PIK3C2G: variants seen among roughly 807,000 people sequenced by gnomAD.
The protein encoded by PIK3C2G is phosphatidylinositol-4-phosphate 3-kinase catalytic subunit type 2 gamma, also known as phosphatidylinositol 3-kinase C2 domain-containing subunit gamma.
A neutral mutation model predicts 181.1 loss-of-function variants in PIK3C2G; 168 were observed. That is an observed-to-expected ratio of 0.93 (90% confidence interval 0.82 to 1.05). The LOEUF (loss-of-function observed/expected upper bound fraction) is 1.05, where lower values mean the gene tolerates loss of function less well. Among genes scored for constraint, PIK3C2G ranks in the 50% least tolerant of loss-of-function variants. PIK3C2G has a pLI of 0.00. For synonymous variants in PIK3C2G, 573 were observed against 592.2 expected (o/e 0.97, Z 0.47); for missense variants, 1,869 against 1,732.8 (o/e 1.08, Z -1.40).
intron 18 of PIK3C2G, among the ~76,000 whole-genome samples, chr12:18,433,381 C>T (rs1463533611): frequency 6.6e-6 from 1 of 151,938 alleles, no homozygotes; most frequent in Non-Finnish European, 1.5e-5. Flanking sequence ...GGCGTGGTGG[C>T]AGGTGCCTGT....
intron 18 of PIK3C2G, among the ~76,000 whole-genome samples, chr12:18,485,422 C>G (rs1368797502): frequency 1.3e-5 from 2 of 152,068 alleles, no homozygotes; most frequent in Non-Finnish European, 2.9e-5. Flanking sequence ...AACTTAAATA[C>G]CTCCATGACA....
At chr12:18,684,096 G>T in the PIK3C2G span, 15 of 1,604,506 alleles carry the variant, frequency 9.3e-6, no homozygotes, top group Non-Finnish European at 1.0e-5. Flanking sequence ...ATATTTAAAT[G>T]CTGGTACAAT....
At chr12:18,568,305 GC>G (rs1292109765) in intron 29 of PIK3C2G, among the ~76,000 whole-genome samples, 2 of 152,016 alleles carry the variant, frequency 1.3e-5, no homozygotes, top group African/African-American at 2.4e-5. Context: ...TGGACGCCAA[GC>G]CCAAGTTGTT....
intron 13 of PIK3C2G, among the ~76,000 whole-genome samples, chr12:18,376,258 C>T (rs769285914): frequency 1.4e-4 from 21 of 152,118 alleles, no homozygotes; most frequent in Non-Finnish European, 1.3e-4. Context: ...CCATTGTATC[C>T]GTGTGCTTGG....
At chr12:18,625,924 C>T (rs115330743) in intron 31 of PIK3C2G, among the ~76,000 whole-genome samples, 1,598 of 151,902 alleles carry the variant, frequency 0.011, 26 homozygotes, top group African/African-American at 0.036. Flanking sequence ...GTGAAGTGAA[C>T]GTCTTGCAGA....
chr12:18,650,238 A>C (rs1950359131), downstream of PIK3C2G, among the ~76,000 whole-genome samples: 1 of 150,780 alleles, frequency 6.6e-6, no homozygotes, highest in African/African-American at 2.4e-5. Context: ...CTCCTAGTTG[A>C]TGTCAAACCC....
At chr12:18,557,655 A>G (rs1298346096) in intron 26 of PIK3C2G, among the ~76,000 whole-genome samples, 2 of 152,140 alleles carry the variant, frequency 1.3e-5, no homozygotes, top group Non-Finnish European at 2.9e-5. Context: ...AGTGACAAAA[A>G]CAGCCACTAC....
intron 19 of PIK3C2G, among the ~76,000 whole-genome samples, chr12:18,490,383 A>C (rs1940446779): frequency 6.6e-6 from 1 of 152,280 alleles, no homozygotes; most frequent in East Asian, 1.9e-4. Context: ...GGGCTCAAAA[A>C]GTTTCTTTTT....
chr12:18,532,210 C>T (rs1286141549), intron 24 of PIK3C2G, among the ~76,000 whole-genome samples: 3 of 152,022 alleles, frequency 2.0e-5, no homozygotes, highest in East Asian at 1.9e-4. Flanking sequence ...CTCTTTTGCT[C>T]ATTTTCTAAT....
At chr12:18,713,547 G>A in the PIK3C2G span, among the ~76,000 whole-genome samples, 6 of 152,272 alleles carry the variant, frequency 3.9e-5, no homozygotes, top group East Asian at 1.2e-3. Flanking sequence ...ACACAGTATG[G>A]AAGCTAGAGG....
chr12:18,355,906 C>G (rs1277775980), intron 11 of PIK3C2G, among the ~76,000 whole-genome samples: 2 of 152,104 alleles, frequency 1.3e-5, no homozygotes, highest in Non-Finnish European at 2.9e-5. Flanking sequence ...GAGCCAGGAG[C>G]CATTTCAAAC....
intron 5 of PIK3C2G, among the ~76,000 whole-genome samples, chr12:18,307,914 C>T (rs1380662097): frequency 2.0e-5 from 3 of 151,824 alleles, no homozygotes; most frequent in African/African-American, 7.2e-5. Context: ...GTTTCTTTAA[C>T]TCAATATACC....
At position 18,393,517 on chromosome 12, in the gene PIK3C2G, T is replaced by TA. The variant is rs558030150; in HGVS notation, c.2126+2271dup. 2.3e-3 allele frequency among the ~76,000 whole-genome samples: 347 copies of TA among 151,908 alleles called. 4 individuals carry two copies. Among genetic ancestry groups the TA allele is most frequent in the African/African-American group, 7.6e-3 (314 of 41,438 alleles). On this transcript the variant is annotated intron_variant, in intron 15 of 32. Transcript: ENST00000538779. The stretch of plus-strand genomic sequence containing the variant: ...AGTGAAAATATGCCTGTGATATTTG[T>TA]AAAAAATAAAAATTGAAAAAAAAAC...
chr12:18,721,401 G>A, the PIK3C2G span, among the ~76,000 whole-genome samples: 1 of 151,992 alleles, frequency 6.6e-6, no homozygotes, highest in South Asian at 2.1e-4. Flanking sequence ...GAAATGCAAG[G>A]TCCTGGCTGT....
intron 18 of PIK3C2G, among the ~76,000 whole-genome samples, chr12:18,488,099 TA>T (rs1940229416): frequency 6.6e-6 from 1 of 152,140 alleles, no homozygotes; most frequent in Non-Finnish European, 1.5e-5. Flanking sequence ...CAGTCACTTA[TA>T]AAAACTATTT....
intron 1 of PIK3C2G, among the ~76,000 whole-genome samples, chr12:18,275,976 C>G (rs1314005118): frequency 1.3e-5 from 2 of 152,128 alleles, no homozygotes; most frequent in Non-Finnish European, 2.9e-5. Context: ...TTCCAGTCCT[C>G]TAATTCATTA....
At chr12:18,572,135 GTGTCTT>G in intron 29 of PIK3C2G, among the ~76,000 whole-genome samples, 1 of 140,884 alleles carries the variant, frequency 7.1e-6, no homozygotes, top group African/African-American at 3.0e-5. Flanking sequence ...TAACCCACTT[GTGTCTT>G]ATATTATTTA....
chr12:18,641,460 G>A (rs184310279), intron 32 of PIK3C2G, among the ~76,000 whole-genome samples: 34 of 152,154 alleles, frequency 2.2e-4, no homozygotes, highest in African/African-American at 8.0e-4. Context: ...TGAAACCTCC[G>A]TTTTGCTTTT....
At chr12:18,705,874 C>CAAT in the PIK3C2G span, among the ~76,000 whole-genome samples, 2 of 147,732 alleles carry the variant, frequency 1.4e-5, no homozygotes, top group African/African-American at 5.0e-5. Context: ...TCAAAAATAA[C>CAAT]AATAATAATA....
Sources: gnomAD v4.1 joint callset for allele counts (sites outside exome capture counted in the v4.1 genomes callset) on GRCh38, gnomAD v4.1.1 for gene constraint, MANE v1.5 for transcripts, NCBI Gene and HGNC (gene_info 2026-07-23, HGNC 2026-07-21) for gene names.